Variants in MRPL44 observed in about 807,000 individuals in gnomAD.
MRPL44 encodes the protein mitochondrial ribosomal protein L44.
In MRPL44, 21 loss-of-function variants were observed where a neutral mutation model predicts 25.9. That is an observed-to-expected ratio of 0.81 (90% CI 0.58 to 1.17). MRPL44 has a LOEUF of 1.17. Ranked by LOEUF, MRPL44 falls within the 50% of genes most tolerant of loss-of-function variation. The pLI is 0.00. For synonymous variants in MRPL44, 169 were observed against 151.0 expected, an observed-to-expected ratio of 1.12 and a Z score of -0.87; for missense variants, 410 against 398.9, an observed-to-expected ratio of 1.03 and a Z score of -0.24.
chr2:223,957,491 A>G lies in MRPL44; in HGVS notation c.19A>G (p.Arg7Gly), dbSNP rs766910797. ...TCGTGCAATGGCGTCCGGGCTGGTA[A>G]GATTGCTGCAGCAGGGACATCGCTG... MASGLV[R>G]LLQQGHRCLL... Residue 7 changes from arginine (R) to glycine (G), a missense_variant, in exon 1 of 4, where the codon AGA becomes GGA. Physicochemically the swap from Arg to Gly is moderately radical, Grantham distance 125 (BLOSUM62 -2). Coordinates refer to ENST00000258383, the MANE Select transcript of MRPL44 (RefSeq NM_022915.5). 2.5e-5 allele frequency: 41 copies of G among 1,614,152 alleles called. No individual in the cohort carries two copies. In the East Asian group the frequency reaches 8.0e-4, roughly 32 times the overall value.
chr2:223,960,903 G>T (rs1689649345), intron 2 of MRPL44, among the ~76,000 whole-genome samples: 1 of 152,118 alleles, frequency 6.6e-6, no homozygotes, highest in Non-Finnish European at 1.5e-5. Flanking sequence ...AAACTATGTT[G>T]GAAATATTTA....
At chr2:223,951,478 G>GTTTTTTTTTGTTTTGTTTTTTTT in the MRPL44 span, among the ~76,000 whole-genome samples, 821 of 112,438 alleles carry the variant, frequency 7.3e-3, 39 homozygotes, top group Non-Finnish European at 0.011. Flanking sequence ...TTACCTTGGA[G>GTTTTTTTTTGTTTTGTTTTTTTT]TTTTTTTTTT....
At chr2:223,951,478 G>GTTTTTTTTTGTTTTGTTTTTTTTTTTTTT in the MRPL44 span, among the ~76,000 whole-genome samples, 2 of 112,558 alleles carry the variant, frequency 1.8e-5, no homozygotes, top group Non-Finnish European at 1.8e-5. Flanking sequence ...TTACCTTGGA[G>GTTTTTTTTTGTTTTGTTTTTTTTTTTTTT]TTTTTTTTTT....
chr2:223,952,579 GTTAAATTAAGTTTGGAC>G (rs1689508686), upstream of MRPL44, among the ~76,000 whole-genome samples: 1 of 152,156 alleles, frequency 6.6e-6, no homozygotes. Flanking sequence ...TTGTAGTACT[GTTAAATTAAGTTTGGAC>G]TAAAGCCTCC....
Position 223,967,577 on chromosome 2 carries a change from T to C in MRPL44, c.*543T>C, listed in dbSNP as rs1347507620. ...CATTTTTGCAAAAAAATTTTCCTAA[T>C]GTTCTTGATTTAATTGTATAGAATT... On this transcript the variant is annotated 3_prime_UTR_variant, in exon 4 of 4. Transcript: ENST00000258383. 6.6e-6 allele frequency: 1 copy of C among 152,238 alleles called. No individual in the cohort carries two copies. Among genetic ancestry groups the C allele is most frequent in the Non-Finnish European group, 1.5e-5 (1 of 68,044 alleles). The allele number at this position is 152,238 out of a possible 1,614,324, so 9.4% of individuals were successfully genotyped here. A position where few individuals can be genotyped will look rare whatever the true frequency, so the allele number is the denominator to read the frequency against.
In MRPL44 at chr2:223,963,716, TC is replaced by T. The variant is rs1689699890; in HGVS notation, c.649-39del. 3.1e-6 allele frequency: 4 copies of T among 1,302,840 alleles called. No homozygotes were observed. In the South Asian group the frequency reaches 4.7e-5, roughly 15 times the overall value. 80.7% of individuals were successfully genotyped at this position (1,302,840 alleles called of 1,614,324 possible). On this transcript the variant is annotated intron_variant, in intron 2 of 3. Transcript: ENST00000258383. The stretch of plus-strand genomic sequence containing the variant: ...TATTTTGAATTGTCCTAATGTTCTT[TC>T]TACTAATTAAAATGTATAAATTATA...
At chr2:223,952,905 T>C (rs1183173642), upstream of MRPL44, among the ~76,000 whole-genome samples, 2 of 152,220 alleles carry the variant, frequency 1.3e-5, no homozygotes, top group Non-Finnish European at 2.9e-5. Flanking sequence ...TTCATCATTG[T>C]TTGATCAGTT....
the MRPL44 span, among the ~76,000 whole-genome samples, chr2:223,951,929 T>C: frequency 6.6e-6 from 1 of 152,234 alleles, no homozygotes; most frequent in Admixed American, 6.5e-5. Context: ...CCAATATTAT[T>C]TATTGTAATA....
At chr2:223,959,229 G>A (rs886488888) in intron 1 of MRPL44, among the ~76,000 whole-genome samples, 1 of 152,150 alleles carries the variant, frequency 6.6e-6, no homozygotes, top group East Asian at 1.9e-4. Context: ...CATGGTTAGA[G>A]CAGAAATAAG....
At chr2:223,959,443 T>G (rs1689621336) in intron 1 of MRPL44, 91 bp from the exon 2 acceptor site, 2 of 974,990 alleles carry the variant, frequency 2.1e-6, no homozygotes, top group South Asian at 1.7e-5. Flanking sequence ...TTCCTTTATA[T>G]AATTAATAAC....
chr2:223,962,721 CAG>C (rs1474855539), intron 2 of MRPL44, among the ~76,000 whole-genome samples: 3 of 152,002 alleles, frequency 2.0e-5, no homozygotes, highest in African/African-American at 7.3e-5. Flanking sequence ...TTTTTTGAGA[CAG>C]AGTCTTGCCG....
At chr2:223,962,636 A>G (rs1231954686) in intron 2 of MRPL44, among the ~76,000 whole-genome samples, 1 of 152,192 alleles carries the variant, frequency 6.6e-6, no homozygotes, top group African/African-American at 2.4e-5. Flanking sequence ...CGTCATATAA[A>G]TAATTACTAG....
chr2:223,957,855 G>T (rs1689596795), intron 1 of MRPL44, among the ~76,000 whole-genome samples: 1 of 152,148 alleles, frequency 6.6e-6, no homozygotes, highest in African/African-American at 2.4e-5. Context: ...GGCTGTTCCC[G>T]ACGTTTTGAA....
At chr2:223,954,554 A>T (rs185881090), upstream of MRPL44, among the ~76,000 whole-genome samples, 3 of 152,214 alleles carry the variant, frequency 2.0e-5, no homozygotes, top group Non-Finnish European at 4.4e-5. Context: ...GGAGGATCCA[A>T]TTCTAAGACA....
intron 2 of MRPL44, 102 bp downstream of exon 2, chr2:223,960,104 C>T: frequency 1.0e-6 from 1 of 959,358 alleles, no homozygotes; most frequent in South Asian, 1.8e-5. Context: ...AATTTTTCTC[C>T]CAAGAAAAAC....
Position 223,959,918 on chromosome 2 carries a change from A to G in MRPL44, c.564A>G (p.Pro188=). ...TGAGTGAAGAATTCCCAGTGCCCCCAGCTGTGTTACAGCAGACTTTCTTTG... is the reference window on the plus strand; with the variant it reads ...TGAGTGAAGAATTCCCAGTGCCCCCGGCTGTGTTACAGCAGACTTTCTTTG... ...LTLSEEFPVP[P]AVLQQTFFAV... Residue 188 remains proline (P), a synonymous_variant, in exon 2 of 4, where the codon CCA becomes CCG. Transcript: ENST00000258383. The G allele has an allele frequency of 6.2e-7, 1 of 1,614,184 alleles. No homozygotes were observed. Among genetic ancestry groups the G allele is most frequent in the Non-Finnish European group, 8.5e-7 (1 of 1,180,026 alleles).
intron 3 of MRPL44, chr2:223,965,582 A>T (rs1212721377): frequency 6.6e-6 from 1 of 152,238 alleles, no homozygotes; most frequent in Non-Finnish European, 1.5e-5. Flanking sequence ...GTAGCAAAAC[A>T]AATAGGATTA....
chr2:223,967,068 C>G lies in MRPL44; in HGVS notation c.*34C>G. ...GATGCAGCAGCCTGAAACTTGAGAG[C>G]GAAAGTGAGATAAATGTCAAAGGTG... On this transcript the variant is annotated 3_prime_UTR_variant, in exon 4 of 4. Coordinates refer to ENST00000258383, the MANE Select transcript of MRPL44 (RefSeq NM_022915.5). 6.5e-7 allele frequency: 1 copy of G among 1,545,330 alleles called. No individual in the cohort carries two copies. Among genetic ancestry groups the G allele is most frequent in the Non-Finnish European group, 8.8e-7 (1 of 1,141,808 alleles).
chr2:223,951,254 A>G, the MRPL44 span, among the ~76,000 whole-genome samples: 1 of 152,258 alleles, frequency 6.6e-6, no homozygotes, highest in African/African-American at 2.4e-5. Flanking sequence ...GCCTTAGCAC[A>G]GCCTCTTGGA....
Sources: allele counts gnomAD v4.1 joint callset (sites outside exome capture counted in the v4.1 genomes callset), GRCh38; gene constraint gnomAD v4.1.1; transcripts MANE v1.5; gene names NCBI Gene and HGNC (gene_info 2026-07-23, HGNC 2026-07-21).